The following RMST variants were observed in gnomAD, a reference collection of about 807,000 sequenced individuals.
The protein encoded by RMST is long intergenic non-protein coding RNA 54.
chr12:97,512,125 C>A (rs1311967842), intron 10 of RMST, among the ~76,000 whole-genome samples: 1 of 152,116 alleles, frequency 6.6e-6, no homozygotes, highest in South Asian at 2.1e-4. Context: ...CTGGCCGAGT[C>A]TGGCGGATTC....
In RMST at chr12:97,469,174, GTGTGTGTA is replaced by G. The variant is rs1181700652; in HGVS notation, n.644+3457_644+3464del. Among the ~76,000 whole-genome samples the G allele has an allele frequency of 1.3e-3, 183 of 138,400 alleles. 1 individual carries two copies. The highest frequency in any genetic ancestry group is 2.3e-3 in the Non-Finnish European group (144 of 63,334). The allele number at this position is 138,400 out of a possible 152,430, so 90.8% of individuals were successfully genotyped here. Reference sequence around the variant, plus strand: ...TGTGTGTGTGTGTGTGTGTGTGTGTGTGTGTGTATGTGTGTATATATATACACATTTAC... The same window carrying G: ...TGTGTGTGTGTGTGTGTGTGTGTGTGTGTGTGTATATATATACACATTTAC... On this transcript the variant is annotated intron_variant and non_coding_transcript_variant, in intron 5 of 13. Transcript: ENST00000640149.
At chr12:97,481,700 T>C (rs1230069844) in intron 5 of RMST, among the ~76,000 whole-genome samples, 1 of 152,204 alleles carries the variant, frequency 6.6e-6, no homozygotes, top group African/African-American at 2.4e-5. Context: ...GCAGTAGTCT[T>C]CATTGTTCCA....
chr12:97,491,937 C>T (rs575941757), intron 5 of RMST: 1 of 533,956 alleles, frequency 1.9e-6, no homozygotes, highest in Admixed American at 1.9e-5. Context: ...AGGCGCTTCT[C>T]CTTCTGAACA....
At chr12:97,549,335 A>G (rs1476875162) in intron 11 of RMST, among the ~76,000 whole-genome samples, 1 of 152,238 alleles carries the variant, frequency 6.6e-6, no homozygotes, top group Non-Finnish European at 1.5e-5. Flanking sequence ...TTTATAGCCA[A>G]AAGAGCCATT....
chr12:97,487,963 C>T (rs1037651638), intron 5 of RMST, among the ~76,000 whole-genome samples: 1 of 152,214 alleles, frequency 6.6e-6, no homozygotes, highest in Non-Finnish European at 1.5e-5. Flanking sequence ...CCGTCTCCTT[C>T]TACCCCCACG....
chr12:97,540,628 C>T (rs1271649037), intron 11 of RMST, among the ~76,000 whole-genome samples: 2 of 151,610 alleles, frequency 1.3e-5, no homozygotes, highest in Non-Finnish European at 3.0e-5. Context: ...AGGCATTTTC[C>T]TAGATCTTTT....
In RMST at chr12:97,523,417, C is replaced by T. The variant is rs561659295; in HGVS notation, n.1341-7238C>T. 1.2e-4 allele frequency among the ~76,000 whole-genome samples: 18 copies of T among 152,220 alleles called. No homozygotes were observed. In the South Asian group the frequency reaches 3.7e-3, roughly 32 times the overall value. ...GATAGGAGGAATAAGTTCAAGTGTT[C>T]TGTTTGGTTAACAACCTTGTGTTGT... On this transcript the variant is annotated intron_variant and non_coding_transcript_variant, in intron 10 of 13. Coordinates refer to ENST00000640149, the Ensembl canonical transcript of RMST.
At chr12:97,562,363 AAC>A (rs1412432920) in intron 13 of RMST, among the ~76,000 whole-genome samples, 2 of 152,136 alleles carry the variant, frequency 1.3e-5, no homozygotes, top group East Asian at 3.9e-4. Context: ...CTGGCTAAGA[AAC>A]AGTGTTATTC....
intron 10 of RMST, among the ~76,000 whole-genome samples, chr12:97,513,284 A>C (rs1879606841): frequency 6.6e-6 from 1 of 152,268 alleles, no homozygotes; most frequent in Non-Finnish European, 1.5e-5. Flanking sequence ...GAGGACTGCC[A>C]GCATGCTGTC....
intron 5 of RMST, chr12:97,491,673 G>T: frequency 4.2e-6 from 1 of 237,446 alleles, no homozygotes; most frequent in South Asian, 5.1e-5. Flanking sequence ...ACCAAATGTT[G>T]AGTTATCAAG....
At chr12:97,493,540 G>A (rs538764265) in intron 7 of RMST, among the ~76,000 whole-genome samples, 6 of 151,924 alleles carry the variant, frequency 3.9e-5, no homozygotes, top group Non-Finnish European at 7.4e-5. Flanking sequence ...TGGACTCCTT[G>A]ACTGACATTT....
intron 10 of RMST, among the ~76,000 whole-genome samples, chr12:97,506,724 C>T (rs1353082654): frequency 1.4e-5 from 2 of 141,484 alleles, no homozygotes; most frequent in Non-Finnish European, 3.0e-5. Flanking sequence ...TGCTCTGTCA[C>T]CCAGGGTGGA....
intron 5 of RMST, among the ~76,000 whole-genome samples, chr12:97,471,358 G>A (rs1418968120): frequency 6.6e-6 from 1 of 152,074 alleles, no homozygotes; most frequent in African/African-American, 2.4e-5. Flanking sequence ...AACTTATATG[G>A]GAGGACCCTG....
At chr12:97,478,828 A>G (rs1319038019) in intron 5 of RMST, among the ~76,000 whole-genome samples, 1 of 152,164 alleles carries the variant, frequency 6.6e-6, no homozygotes, top group African/African-American at 2.4e-5. Flanking sequence ...ATCTGACTCC[A>G]TTTTATTCCA....
At chr12:97,516,342 T>C (rs1003687557) in intron 10 of RMST, among the ~76,000 whole-genome samples, 2 of 152,122 alleles carry the variant, frequency 1.3e-5, no homozygotes, top group South Asian at 2.1e-4. Flanking sequence ...GGTGTGCTAA[T>C]TGCCGTCACA....
intron 5 of RMST, among the ~76,000 whole-genome samples, chr12:97,467,969 T>C (rs2136379394): frequency 6.6e-6 from 1 of 152,172 alleles, no homozygotes; most frequent in Non-Finnish European, 1.5e-5. Context: ...AATCTTTTTT[T>C]CAGCTATCTT....
At chr12:97,529,258 T>G (rs1386697259) in intron 10 of RMST, among the ~76,000 whole-genome samples, 2 of 152,108 alleles carry the variant, frequency 1.3e-5, no homozygotes, top group Non-Finnish European at 2.9e-5. Flanking sequence ...CTAAATACAT[T>G]TATCAGTTTA....
chr12:97,480,243 C>A (rs1875103694), intron 5 of RMST, among the ~76,000 whole-genome samples: 1 of 151,950 alleles, frequency 6.6e-6, no homozygotes, highest in African/African-American at 2.4e-5. Flanking sequence ...GCGCCCACCA[C>A]CACGCCTGGC....
intron 10 of RMST, among the ~76,000 whole-genome samples, chr12:97,530,206 G>C (rs945737539): frequency 4.6e-5 from 7 of 151,982 alleles, no homozygotes; most frequent in Admixed American, 4.6e-4. Flanking sequence ...TGAAAAAGGA[G>C]CTGTGATCAA....
Sources: allele counts gnomAD v4.1 joint callset (sites outside exome capture counted in the v4.1 genomes callset), GRCh38; gene constraint gnomAD v4.1.1; transcripts MANE v1.5; gene names NCBI Gene and HGNC (gene_info 2026-07-23, HGNC 2026-07-21).